Variants in FRMD6 observed in about 807,000 individuals in gnomAD.
The protein encoded by FRMD6 is FERM domain-containing protein 6.
Under a neutral mutation model 73.2 loss-of-function variants are expected in FRMD6, and 37 were observed. The ratio of observed to expected loss-of-function variants is 0.51; its 90% CI spans 0.39 to 0.66. The LOEUF (loss-of-function observed/expected upper bound fraction) is 0.66. Ranked by LOEUF, FRMD6 falls within the 30% of genes least tolerant of loss-of-function variation. FRMD6 has a pLI of 0.00. For missense variants in FRMD6, 714 were observed against 780.5 expected, an observed-to-expected ratio of 0.91 and a Z score of 1.02; for synonymous variants, 273 against 282.2, an observed-to-expected ratio of 0.97 and a Z score of 0.33.
chr14:51,660,767 G>T (rs1357768654), intron 1 of FRMD6, among the ~76,000 whole-genome samples: 1 of 152,116 alleles, frequency 6.6e-6, no homozygotes, highest in Non-Finnish European at 1.5e-5. Context: ...AGGAGTGCTG[G>T]GGGAGGGAGG....
At chr14:51,544,636 G>C (rs1886369950) in intron 1 of FRMD6, among the ~76,000 whole-genome samples, 1 of 151,388 alleles carries the variant, frequency 6.6e-6, no homozygotes, top group African/African-American at 2.4e-5. Context: ...TGAACTCTGA[G>C]AGTTCTGCTG....
At chr14:51,709,166 G>A (rs1896802368) in intron 7 of FRMD6, among the ~76,000 whole-genome samples, 1 of 152,162 alleles carries the variant, frequency 6.6e-6, no homozygotes, top group Admixed American at 6.6e-5. Context: ...AAGTGGTTAA[G>A]AGCACTGTAA....
At chr14:51,492,964 G>A (rs542769721) in intron 1 of FRMD6, among the ~76,000 whole-genome samples, 82 of 152,308 alleles carry the variant, frequency 5.4e-4, no homozygotes, top group African/African-American at 1.9e-3. Flanking sequence ...TGGACAGGGT[G>A]TGCTCAGATG....
At chr14:51,544,670 G>T in intron 1 of FRMD6, among the ~76,000 whole-genome samples, 1 of 149,654 alleles carries the variant, frequency 6.7e-6, no homozygotes, top group African/African-American at 2.5e-5. Flanking sequence ...ATTATCTACT[G>T]TTTACAGTTT....
chr14:51,671,577 A>G (rs1268937630), intron 1 of FRMD6, among the ~76,000 whole-genome samples: 1 of 152,198 alleles, frequency 6.6e-6, no homozygotes, highest in African/African-American at 2.4e-5. Context: ...CAGCAGTTTG[A>G]AAAGAACCCC....
chr14:51,720,078 T>TA lies in FRMD6; in HGVS notation c.1049dup (p.Tyr350Ter). 4 of 1,613,156 alleles carry TA rather than the reference T, an allele frequency of 2.5e-6. No homozygotes were observed. Among genetic ancestry groups the TA allele is most frequent in the Non-Finnish European group, 3.4e-6 (4 of 1,179,624 alleles). ...AGAGAAGAAGCAGTACCGGGAATCT[T>TA]ACATCAGTGACAACCTGGACCTCGA... ...NEEKKQYRES[Y>*]ISDNLDLDMD... The change falls in exon 11 of 14, where the codon TAC becomes TAAC. Residue 350 changes from tyrosine to a stop codon, truncating the protein, a stop_gained and frameshift_variant. Transcript: ENST00000344768. LOFTEE classifies it high-confidence loss of function.
At chr14:51,458,779 A>T in the FRMD6 span, among the ~76,000 whole-genome samples, 4 of 152,198 alleles carry the variant, frequency 2.6e-5, no homozygotes, top group Non-Finnish European at 5.9e-5. Context: ...TTTGCTTCAC[A>T]AGCCATGATG....
At chr14:51,480,680 T>C in the FRMD6 span, among the ~76,000 whole-genome samples, 2 of 152,170 alleles carry the variant, frequency 1.3e-5, no homozygotes, top group Non-Finnish European at 2.9e-5. Context: ...CTAGCTGATG[T>C]CTCTGAGTGA....
intron 2 of FRMD6, among the ~76,000 whole-genome samples, chr14:51,616,660 C>T (rs1247026672): frequency 6.6e-6 from 1 of 152,108 alleles, no homozygotes; most frequent in African/African-American, 2.4e-5. Context: ...CTCAAGGGAA[C>T]TGAGGCATGA....
chr14:51,487,401 TG>T (rs1463332696), upstream of FRMD6, among the ~76,000 whole-genome samples: 2 of 152,244 alleles, frequency 1.3e-5, no homozygotes, highest in African/African-American at 4.8e-5. Context: ...AATCTCTAGA[TG>T]GCTGTACATT....
rs139191766 is a variant in FRMD6 at position 51,541,749 on chromosome 14, T to A, written c.-209-28599T>A. 3.3e-5 allele frequency among the ~76,000 whole-genome samples: 5 copies of A among 152,200 alleles called. No individual in the cohort carries two copies. The East Asian group carries it at 9.6e-4, about 29-fold the overall frequency. ...AGAGTATAGGAGAGATTAACCTTGA[T>A]CAGGGAACAGAATTGTGACTCCAGA... On this transcript the variant is annotated intron_variant, in intron 1 of 14. Transcript: ENST00000356218.
At chr14:51,404,307 T>C in the FRMD6 span, among the ~76,000 whole-genome samples, 36 of 152,166 alleles carry the variant, frequency 2.4e-4, no homozygotes, top group African/African-American at 8.4e-4. Context: ...TCAGTTGTAT[T>C]TGTTGCAAAT....
intron 1 of FRMD6, among the ~76,000 whole-genome samples, chr14:51,514,046 C>T (rs1325296147): frequency 3.3e-5 from 5 of 152,210 alleles, no homozygotes; most frequent in African/African-American, 9.6e-5. Context: ...AGTGTCTACA[C>T]TTGTGCCTGG....
the FRMD6 span, among the ~76,000 whole-genome samples, chr14:51,398,789 A>G: frequency 3.9e-3 from 601 of 152,330 alleles, 2 homozygotes; most frequent in East Asian, 8.7e-3. Flanking sequence ...AATAGATTCC[A>G]TAATTTTTTC....
intron 2 of FRMD6, among the ~76,000 whole-genome samples, chr14:51,629,865 A>G (rs1891269337): frequency 6.6e-6 from 1 of 152,146 alleles, no homozygotes; most frequent in Non-Finnish European, 1.5e-5. Context: ...AATTATCTAT[A>G]TGTTTCCTTC....
Position 51,507,827 on chromosome 14 carries a change from C to A in FRMD6, c.-210+18407C>A, listed in dbSNP as rs561641366. 5.3e-5 allele frequency among the ~76,000 whole-genome samples: 8 copies of A among 152,314 alleles called. No individual in the cohort carries two copies. The South Asian group carries it at 1.7e-3, about 32-fold the overall frequency. On this transcript the variant is annotated intron_variant, in intron 1 of 14. Transcript: ENST00000356218. The stretch of plus-strand genomic sequence containing the variant: ...GAGGATTCAGCAAATGTGGTGGCAA[C>A]AATTGCCTCCTGATCATTCCCCAAA...
chr14:51,469,128 G>A, the FRMD6 span, among the ~76,000 whole-genome samples: 5 of 151,648 alleles, frequency 3.3e-5, no homozygotes, highest in Non-Finnish European at 5.9e-5. Context: ...TTTTAGTAGA[G>A]ACGGGGTTTC....
At chr14:51,628,369 C>A (rs1891192948) in intron 2 of FRMD6, among the ~76,000 whole-genome samples, 1 of 151,840 alleles carries the variant, frequency 6.6e-6, no homozygotes, top group African/African-American at 2.4e-5. Flanking sequence ...TTTTTAGTAC[C>A]CTTTTAGAGT....
chr14:51,401,688 G>T, the FRMD6 span, among the ~76,000 whole-genome samples: 1 of 151,638 alleles, frequency 6.6e-6, no homozygotes, highest in African/African-American at 2.4e-5. Context: ...TGTCAACAGG[G>T]CTCGAATGGG....
Sources: allele counts gnomAD v4.1 joint callset (sites outside exome capture counted in the v4.1 genomes callset), GRCh38; gene constraint gnomAD v4.1.1; transcripts MANE v1.5; gene names NCBI Gene and HGNC (gene_info 2026-07-23, HGNC 2026-07-21).